GRXCR1: variants seen among roughly 807,000 people sequenced by gnomAD.
GRXCR1 encodes glutaredoxin domain-containing cysteine-rich protein 1.
In GRXCR1, 27 loss-of-function variants were observed where a neutral mutation model predicts 27.3. The ratio of observed to expected loss-of-function variants is 0.99; its 90% CI spans 0.73 to 1.37. GRXCR1 has a LOEUF of 1.37. Ranked by LOEUF, GRXCR1 falls within the 40% of genes most tolerant of loss-of-function variation. GRXCR1 has a pLI of 0.00. For missense variants in GRXCR1, 379 were observed against 354.4 expected, an observed-to-expected ratio of 1.07 and a Z score of -0.56; for synonymous variants, 122 against 131.1, an observed-to-expected ratio of 0.93 and a Z score of 0.47.
At chr4:42,941,969 A>G (rs934999188) in intron 1 of GRXCR1, among the ~76,000 whole-genome samples, 2 of 152,132 alleles carry the variant, frequency 1.3e-5, no homozygotes, top group Non-Finnish European at 2.9e-5. Context: ...TATTAATTTG[A>G]TATATATGCA....
intron 2 of GRXCR1, among the ~76,000 whole-genome samples, chr4:43,006,167 G>T (rs945050168): frequency 6.6e-6 from 1 of 152,088 alleles, no homozygotes. Flanking sequence ...AATCTTGTCA[G>T]CTGAGGAGGA....
Position 42,917,289 on chromosome 4 carries a change from C to T in GRXCR1, c.384+23639C>T, listed in dbSNP as rs115893125. On this transcript the variant is annotated intron_variant, in intron 1 of 3. Coordinates refer to ENST00000399770, the MANE Select transcript of GRXCR1 (RefSeq NM_001080476.3). ...AGAGAAAAAAAGTATCCCATCTCCT[C>T]TGGTGTTGATGGCACAAATGAGAGC... 9.0e-3 allele frequency among the ~76,000 whole-genome samples: 1,375 copies of T among 152,238 alleles called. 9 individuals carry two copies. The highest frequency in any genetic ancestry group is 0.014 in the Non-Finnish European group (974 of 68,018).
intron 2 of GRXCR1, among the ~76,000 whole-genome samples, chr4:43,010,763 A>G (rs1171844037): frequency 6.6e-6 from 1 of 152,210 alleles, no homozygotes. Flanking sequence ...TGACAGTGTG[A>G]TTTTTAAAAA....
chr4:42,929,139 C>G (rs1421609373), intron 1 of GRXCR1, among the ~76,000 whole-genome samples: 1 of 152,004 alleles, frequency 6.6e-6, no homozygotes, highest in African/African-American at 2.4e-5. Context: ...CTTCAGCACT[C>G]TCTTATTATA....
chr4:42,937,983 G>A, intron 1 of GRXCR1, among the ~76,000 whole-genome samples: 1 of 151,898 alleles, frequency 6.6e-6, no homozygotes, highest in Non-Finnish European at 1.5e-5. Flanking sequence ...GCTGACTGCA[G>A]TCACCCTGTT....
chr4:42,989,045 C>A (rs1029782502), intron 2 of GRXCR1, among the ~76,000 whole-genome samples: 6 of 152,176 alleles, frequency 3.9e-5, no homozygotes, highest in Admixed American at 3.3e-4. Flanking sequence ...AGCTAGTTGC[C>A]TTTGCTTATA....
At chr4:42,933,760 A>G (rs1747388003) in intron 1 of GRXCR1, among the ~76,000 whole-genome samples, 1 of 151,912 alleles carries the variant, frequency 6.6e-6, no homozygotes, top group African/African-American at 2.4e-5. Context: ...CTCTCACCAG[A>G]CATCAAATCT....
chr4:42,991,280 G>A (rs924257514), intron 2 of GRXCR1, among the ~76,000 whole-genome samples: 1 of 151,736 alleles, frequency 6.6e-6, no homozygotes, highest in Non-Finnish European at 1.5e-5. Flanking sequence ...TATATATTTG[G>A]CAACATCTGT....
chr4:43,012,764 C>T (rs1002687878), intron 2 of GRXCR1, among the ~76,000 whole-genome samples: 9 of 152,018 alleles, frequency 5.9e-5, no homozygotes, highest in African/African-American at 2.2e-4. Context: ...AAGATTTAAT[C>T]CTGGATTTTA....
chr4:42,984,370 G>T (rs1040339880), intron 2 of GRXCR1, among the ~76,000 whole-genome samples: 1 of 151,810 alleles, frequency 6.6e-6, no homozygotes, highest in Admixed American at 6.6e-5. Context: ...ATCTTCATCC[G>T]GCAGTTCATC....
At chr4:42,949,400 G>A (rs530921875) in intron 1 of GRXCR1, among the ~76,000 whole-genome samples, 2 of 147,536 alleles carry the variant, frequency 1.4e-5, no homozygotes, top group Admixed American at 6.8e-5. Flanking sequence ...CATAAATCCT[G>A]TATTAGTCCC....
At chr4:42,978,204 A>G (rs561191162) in intron 2 of GRXCR1, among the ~76,000 whole-genome samples, 13 of 152,188 alleles carry the variant, frequency 8.5e-5, no homozygotes, top group Non-Finnish European at 1.2e-4. Context: ...TGCTTTGGCT[A>G]CTATAGCTTT....
chr4:42,932,117 T>C (rs1475084199), intron 1 of GRXCR1, among the ~76,000 whole-genome samples: 1 of 151,892 alleles, frequency 6.6e-6, no homozygotes, highest in Non-Finnish European at 1.5e-5. Context: ...CAATTCAAGA[T>C]GAGATTTGGG....
intron 1 of GRXCR1, among the ~76,000 whole-genome samples, chr4:42,930,453 T>C (rs558955502): frequency 6.6e-6 from 1 of 152,122 alleles, no homozygotes; most frequent in African/African-American, 2.4e-5. Context: ...TTTTAAGATG[T>C]GCAATAGGTT....
intron 1 of GRXCR1, among the ~76,000 whole-genome samples, chr4:42,961,744 G>A (rs1314136343): frequency 6.6e-6 from 1 of 151,866 alleles, no homozygotes; most frequent in Non-Finnish European, 1.5e-5. Context: ...CTTTGTATTG[G>A]CATCTTTATG....
chr4:42,906,442 C>A (rs1746592761), intron 1 of GRXCR1, among the ~76,000 whole-genome samples: 1 of 152,158 alleles, frequency 6.6e-6, no homozygotes, highest in Non-Finnish European at 1.5e-5. Context: ...GACTACAGAG[C>A]CACAGCAGTC....
intron 2 of GRXCR1, among the ~76,000 whole-genome samples, chr4:43,002,304 C>T (rs1391869362): frequency 6.6e-6 from 1 of 151,686 alleles, no homozygotes; most frequent in Non-Finnish European, 1.5e-5. Flanking sequence ...GACAATACCC[C>T]GCTTTCAAGG....
intron 2 of GRXCR1, among the ~76,000 whole-genome samples, chr4:43,012,856 A>G (rs1288766269): frequency 6.6e-6 from 1 of 152,210 alleles, no homozygotes. Context: ...AACAAGCAAA[A>G]ATCAAATAAT....
At chr4:43,020,617 G>T in intron 3 of GRXCR1, among the ~76,000 whole-genome samples, 198 bp downstream of exon 3, 1 of 152,258 alleles carries the variant, frequency 6.6e-6, no homozygotes, top group South Asian at 2.1e-4. Flanking sequence ...AACTTCTAAT[G>T]ATCTCATACT....
Sources: gnomAD v4.1 joint callset for allele counts (sites outside exome capture counted in the v4.1 genomes callset) on GRCh38, gnomAD v4.1.1 for gene constraint, MANE v1.5 for transcripts, NCBI Gene and HGNC (gene_info 2026-07-23, HGNC 2026-07-21) for gene names.